SCNN1G: variants seen among roughly 807,000 people sequenced by gnomAD.
SCNN1G encodes sodium channel epithelial 1 subunit gamma, also known as epithelial sodium channel subunit gamma.
SCNN1G carries 27 observed loss-of-function variants against 64.6 expected under a neutral mutation model. That is an observed-to-expected ratio of 0.42 (90% CI 0.31 to 0.58). The LOEUF (loss-of-function observed/expected upper bound fraction) is 0.58, where lower values mean the gene tolerates loss of function less well. Among genes scored for constraint, SCNN1G ranks in the 20% least tolerant of loss-of-function variants. SCNN1G has a pLI of 0.18. For missense variants in SCNN1G, 743 were observed against 823.4 expected (o/e 0.90, Z 1.19); for synonymous variants, 330 against 314.2 (o/e 1.05, Z -0.53).
intron 7 of SCNN1G, among the ~76,000 whole-genome samples, chr16:23,211,809 C>CA (rs993494318): frequency 3.3e-5 from 5 of 152,050 alleles, no homozygotes; most frequent in African/African-American, 9.7e-5. Flanking sequence ...AAGACTGTCT[C>CA]AAAAAACATA....
chr16:23,213,078 C>T, intron 10 of SCNN1G, 24 bp from the exon 11 acceptor site: 1 of 1,610,704 alleles, frequency 6.2e-7, no homozygotes, highest in Non-Finnish European at 8.5e-7. Context: ...ACCCTCAGGC[C>T]CACGCTTTCT....
intron 3 of SCNN1G, among the ~76,000 whole-genome samples, chr16:23,190,832 T>A (rs1439379248): frequency 3.5e-5 from 1 of 28,208 alleles, no homozygotes; most frequent in Non-Finnish European, 8.5e-5. Flanking sequence ...TTTGAGGGGA[T>A]TTTTTTTTTT....
intron 3 of SCNN1G, among the ~76,000 whole-genome samples, chr16:23,190,077 A>G (rs978782532): frequency 4.4e-4 from 66 of 151,022 alleles, no homozygotes; most frequent in African/African-American, 1.5e-3. Context: ...TAAAAAAAAA[A>G]GGGGAGAGTT....
At chr16:23,188,422 G>A (rs1398845883) in intron 2 of SCNN1G, among the ~76,000 whole-genome samples, 2 of 152,074 alleles carry the variant, frequency 1.3e-5, no homozygotes, top group African/African-American at 4.8e-5. Context: ...TGAAGTGGGA[G>A]GATTGCTTGA....
At chr16:23,195,655 G>A (rs913083540) in intron 5 of SCNN1G, among the ~76,000 whole-genome samples, 1 of 152,214 alleles carries the variant, frequency 6.6e-6, no homozygotes, top group Non-Finnish European at 1.5e-5. Flanking sequence ...TACTGGCTCT[G>A]CTATGGAGGG....
intron 6 of SCNN1G, among the ~76,000 whole-genome samples, chr16:23,199,717 G>A (rs1321799178): frequency 8.4e-6 from 1 of 118,366 alleles, no homozygotes; most frequent in Non-Finnish European, 1.6e-5. Flanking sequence ...TGTCACCCAG[G>A]CTGGAGTGCA....
chr16:23,204,744 C>G (rs1346146000), intron 6 of SCNN1G, among the ~76,000 whole-genome samples: 1 of 152,000 alleles, frequency 6.6e-6, no homozygotes, highest in Non-Finnish European at 1.5e-5. Context: ...AGTTCTTCCT[C>G]TTTGAGACCA....
chr16:23,189,307 G>A, intron 2 of SCNN1G, 64 bp from the exon 3 acceptor site: 2 of 1,530,108 alleles, frequency 1.3e-6, no homozygotes, highest in African/African-American at 2.7e-5. Flanking sequence ...ACAGCCTGGA[G>A]GAGCACCAGA....
In SCNN1G at chr16:23,186,440, A is replaced by G; in HGVS notation, c.169A>G (p.Ile57Val). ...CGGCCGTCTGCGCCGCCTCCTCTGG[A>G]TCGGGTTCACACTGACTGCCGTGGC... Reference protein sequence around the residue: ...SRGRLRRLLWIGFTLTAVALI... With the variant: ...SRGRLRRLLWVGFTLTAVALI... Residue 57 changes from isoleucine (I) to valine (V), a missense_variant, in exon 2 of 13, where the codon ATC becomes GTC. Physicochemically the swap from Ile to Val is conservative, Grantham distance 29. Coordinates refer to ENST00000300061, the MANE Select transcript of SCNN1G (RefSeq NM_001039.4). The G allele has an allele frequency of 1.2e-6, 2 of 1,614,156 alleles. No homozygotes were observed. The highest frequency in any genetic ancestry group is 8.5e-7 in the Non-Finnish European group (1 of 1,180,036).
intron 3 of SCNN1G, among the ~76,000 whole-genome samples, chr16:23,190,297 A>G (rs1244221678): frequency 6.6e-6 from 1 of 150,576 alleles, no homozygotes; most frequent in Non-Finnish European, 1.5e-5. Context: ...AAAGAAAGGA[A>G]AGAAAGGAAA....
chr16:23,184,811 A>C (rs1959579553), intron 1 of SCNN1G, among the ~76,000 whole-genome samples: 1 of 152,190 alleles, frequency 6.6e-6, no homozygotes, highest in Admixed American at 6.5e-5. Context: ...GGCACATCGA[A>C]GTCACAGACA....
At chr16:23,192,264 TG>T in intron 3 of SCNN1G, 87 bp from the exon 4 acceptor site, 1 of 1,067,382 alleles carries the variant, frequency 9.4e-7, no homozygotes, top group Non-Finnish European at 1.5e-6. Flanking sequence ...GTATCTGGCC[TG>T]GAGTCTCAGT....
At chr16:23,198,908 G>T (rs1959841007) in intron 6 of SCNN1G, among the ~76,000 whole-genome samples, 1 of 151,590 alleles carries the variant, frequency 6.6e-6, no homozygotes, top group Non-Finnish European at 1.5e-5. Context: ...TATAAAATTA[G>T]CCAGGCATGC....
At chr16:23,210,878 A>T (rs1028960408) in intron 7 of SCNN1G, among the ~76,000 whole-genome samples, 4 of 151,974 alleles carry the variant, frequency 2.6e-5, no homozygotes, top group East Asian at 1.9e-4. Context: ...AAAAAAAAAA[A>T]TTTGTTTTAA....
chr16:23,200,829 C>T (rs1385564059), intron 6 of SCNN1G, among the ~76,000 whole-genome samples: 1 of 152,092 alleles, frequency 6.6e-6, no homozygotes, highest in Non-Finnish European at 1.5e-5. Context: ...GCTGAGACAG[C>T]GAGATGATGA....
chr16:23,189,847 G>A (rs922394134), intron 3 of SCNN1G, among the ~76,000 whole-genome samples, 176 bp downstream of exon 3: 11 of 152,154 alleles, frequency 7.2e-5, no homozygotes, highest in African/African-American at 2.4e-4. Flanking sequence ...CAAGGCGGGC[G>A]AATCACCTGA....
intron 1 of SCNN1G, among the ~76,000 whole-genome samples, chr16:23,185,508 T>A (rs1959591589): frequency 6.6e-6 from 1 of 152,224 alleles, no homozygotes; most frequent in Non-Finnish European, 1.5e-5. Flanking sequence ...ATTAATGGTA[T>A]CTTAGAATCA....
rs755322105 is a variant in SCNN1G at position 23,204,334 on chromosome 16, T to TAGAGAGAGAGAGAG, written c.1078-5390_1078-5377dup. 1.8e-3 allele frequency among the ~76,000 whole-genome samples: 27 copies of TAGAGAGAGAGAGAG among 15,170 alleles called. 1 individual carries two copies. Among genetic ancestry groups the TAGAGAGAGAGAGAG allele is most frequent in the South Asian group, 5.8e-3 (1 of 172 alleles). 10.0% of individuals were successfully genotyped at this position (15,170 alleles called of 152,430 possible). On this transcript the variant is annotated intron_variant, in intron 6 of 12. Transcript: ENST00000300061. ...ATATATATATATATATATATATATA[T>TAGAGAGAGAGAGAG]AGAGAGAGAGAGAGAGAGAGAGAGA...
chr16:23,191,443 G>A (rs1205565067), intron 3 of SCNN1G, among the ~76,000 whole-genome samples: 4 of 152,052 alleles, frequency 2.6e-5, no homozygotes. Context: ...TTGTTTGTTT[G>A]TTTTAGAAAC....
Sources: gnomAD v4.1 joint callset for allele counts (sites outside exome capture counted in the v4.1 genomes callset) on GRCh38, gnomAD v4.1.1 for gene constraint, MANE v1.5 for transcripts, NCBI Gene and HGNC (gene_info 2026-07-23, HGNC 2026-07-21) for gene names.